ITPRIPL1: variants seen among roughly 807,000 people sequenced by gnomAD.
ITPRIPL1 encodes the protein ITPRIP like 1.
Under a neutral mutation model 40.0 loss-of-function variants are expected in ITPRIPL1, and 28 were observed. The ratio of observed to expected loss-of-function variants is 0.70; its 90% CI spans 0.52 to 0.96. The LOEUF is 0.96. ITPRIPL1 is among the 40% of genes least tolerant of loss of function. The probability of loss-of-function intolerance (pLI) is 0.00; values close to 1 mark genes in which losing one functional copy is unlikely to be tolerated. For missense variants in ITPRIPL1, 638 were observed against 698.0 expected (o/e 0.91, Z 0.97); for synonymous variants, 251 against 275.7 (o/e 0.91, Z 0.89).
In ITPRIPL1 at chr2:96,327,471, G is replaced by T. The variant is rs1413832990; in HGVS notation, c.840G>T (p.Gly280=). 1.2e-6 allele frequency: 2 copies of T among 1,613,932 alleles called. No individual in the cohort carries two copies. The highest frequency in any genetic ancestry group is 2.7e-5 in the African/African-American group (2 of 74,912). The part of the protein sequence containing the change: ...ECVCKREKLL[G]DVLCLVHHHR... The stretch of plus-strand genomic sequence containing the variant: ...TGTGCAAGCGTGAGAAACTCCTAGG[G>T]GACGTGCTGTGCCTGGTGCACCACC... Residue 280 remains glycine (G), a synonymous_variant, in exon 3 of 3, where the codon GGG becomes GGT. Coordinates refer to ENST00000439118, the MANE Select transcript of ITPRIPL1 (RefSeq NM_001008949.3).
In ITPRIPL1 at chr2:96,328,081, G is replaced by A; in HGVS notation, c.1450G>A (p.Gly484Ser). 3 of 1,614,052 alleles carry A rather than the reference G, an allele frequency of 1.9e-6. No homozygotes were observed. The highest frequency in any genetic ancestry group is 2.5e-6 in the Non-Finnish European group (3 of 1,180,006). ...GGACATTCTCTGGTTCTTGGGCCGTGGCCTCCAGCAAAGGTCCCTCCATCA... is the reference window on the plus strand; with the variant it reads ...GGACATTCTCTGGTTCTTGGGCCGTAGCCTCCAGCAAAGGTCCCTCCATCA... Reference protein sequence around the residue: ...LQDILWFLGRGLQQRSLHHFL... With the variant: ...LQDILWFLGRSLQQRSLHHFL... The change falls in exon 3 of 3, where the codon GGC (glycine) becomes AGC (serine). Residue 484 changes from glycine to serine, a missense_variant. Physicochemically the swap from Gly to Ser is moderately conservative, Grantham distance 56. Coordinates refer to ENST00000439118, the MANE Select transcript of ITPRIPL1 (RefSeq NM_001008949.3).
At position 96,327,372 on chromosome 2, in the gene ITPRIPL1, C is replaced by T. The variant is rs376605296; in HGVS notation, c.741C>T (p.Thr247=). ...ILVPIVPPQG[T]MFVLEMRDPA... Reference sequence around the variant, plus strand: ...TGCCCATTGTCCCCCCACAGGGCACCATGTTTGTCCTGGAGATGAGGGACC... The same window carrying T: ...TGCCCATTGTCCCCCCACAGGGCACTATGTTTGTCCTGGAGATGAGGGACC... Residue 247 remains threonine, a synonymous_variant, in exon 3 of 3, where the codon ACC becomes ACT. Coordinates refer to ENST00000439118, the MANE Select transcript of ITPRIPL1 (RefSeq NM_001008949.3). 9.9e-6 allele frequency: 16 copies of T among 1,613,966 alleles called. No individual in the cohort carries two copies. The African/African-American group carries it at 1.5e-4, about 15-fold the overall frequency.
downstream of ITPRIPL1, chr2:96,329,249 TAG>T (rs760899549): frequency 3.4e-4 from 50 of 146,462 alleles, no homozygotes; most frequent in Non-Finnish European, 6.4e-4. Context: ...CATATGACAA[TAG>T]AGTTGTTTTT....
chr2:96,327,509 C>G lies in ITPRIPL1; in HGVS notation c.878C>G (p.Ser293Trp), dbSNP rs1187537295. The G allele has an allele frequency of 6.2e-7, 1 of 1,614,058 alleles. No homozygotes were observed. The change falls in exon 3 of 3, where the codon TCG (serine) becomes TGG (tryptophan). Residue 293 changes from serine (S) to tryptophan (W), a missense_variant. Coordinates refer to ENST00000439118, the MANE Select transcript of ITPRIPL1 (RefSeq NM_001008949.3). ...LCLVHHHRDP[S>W]AVLGKCSSSI... ...CTGGTGCACCACCACAGGGACCCCT[C>G]GGCAGTCTTGGGGAAGTGTAGTAGC...
At chr2:96,325,661 C>A in intron 1 of ITPRIPL1, 86 bp from the exon 2 acceptor site, 1 of 661,102 alleles carries the variant, frequency 1.5e-6, no homozygotes, top group Non-Finnish European at 2.8e-6. Flanking sequence ...AATCTCTGGG[C>A]GTGGAATTTG....
Position 96,325,792 on chromosome 2 carries a change from GGGA to G in ITPRIPL1, c.-44_-42del. 1 of 1,609,768 alleles carries G rather than the reference GGGA, an allele frequency of 6.2e-7. No individual in the cohort carries two copies. On this transcript the variant is annotated 5_prime_UTR_variant, in exon 2 of 3. Coordinates refer to ENST00000439118, the MANE Select transcript of ITPRIPL1 (RefSeq NM_001008949.3). ...AGACGAAGCAAGGCCAAGTTCCAAA[GGGA>G]GGATAGGCCCAGCTGGCTTCAGCGT...
intron 2 of ITPRIPL1, 148 bp from the exon 3 acceptor site, chr2:96,326,494 C>A: frequency 6.4e-7 from 1 of 1,552,792 alleles, no homozygotes; most frequent in Non-Finnish European, 8.7e-7. Flanking sequence ...ACCACCCTTG[C>A]TGTGTCCAAG....
rs1321661009 is a variant in ITPRIPL1, at chr2:96,328,123, A to C, written c.1492A>C (p.Asn498His). Reference sequence around the variant, plus strand: ...CCTCCATCATTTCCTCATTGGTAACAATTTTCTGCCCCTGACCATCCCAAT... The same window carrying C: ...CCTCCATCATTTCCTCATTGGTAACCATTTTCTGCCCCTGACCATCCCAAT... ...RSLHHFLIGNNFLPLTIPIPK... is the reference protein window; with the variant it reads ...RSLHHFLIGNHFLPLTIPIPK... The change falls in exon 3 of 3, where the codon AAT becomes CAT. Residue 498 changes from asparagine to histidine, a missense_variant. By Grantham distance (68) the Asn-to-His change is moderately conservative. Transcript: ENST00000439118. The C allele has an allele frequency of 6.2e-7, 1 of 1,613,886 alleles. No individual in the cohort carries two copies. The highest frequency in any genetic ancestry group is 1.3e-5 in the African/African-American group (1 of 74,824).
downstream of ITPRIPL1, chr2:96,328,381 A>G: frequency 7.1e-7 from 1 of 1,407,852 alleles, no homozygotes. Flanking sequence ...CAGATATATC[A>G]GTGGTATATG....
downstream of ITPRIPL1, chr2:96,329,556 G>A (rs2064146198): frequency 2.1e-5 from 2 of 95,840 alleles, no homozygotes; most frequent in Admixed American, 2.4e-4. Flanking sequence ...TGCCTCCTTT[G>A]TATTTTTTTT....
downstream of ITPRIPL1, chr2:96,328,411 G>C (rs567949588): frequency 3.7e-4 from 415 of 1,113,604 alleles, no homozygotes; most frequent in South Asian, 1.4e-3. Flanking sequence ...CCTTGCCAGT[G>C]GGGGCTATGA....
At chr2:96,326,207 G>C in intron 2 of ITPRIPL1, 2 of 1,448,986 alleles carry the variant, frequency 1.4e-6, no homozygotes, top group Non-Finnish European at 1.8e-6. Context: ...CCGGGGCAGA[G>C]GAAAGGTGTC....
At position 96,327,207 on chromosome 2, in the gene ITPRIPL1, T is replaced by C. The variant is rs1402514029; in HGVS notation, c.576T>C (p.Ser192=). ...CCTGCACCTGTGAGTTTGTGGAGAG[T>C]TTTGTGGATGATCTCATTGAGGCCT... The part of the protein sequence containing the change: ...DLPCTCEFVE[S]FVDDLIEACR... The change falls in exon 3 of 3, where the codon AGT becomes AGC. Residue 192 remains serine, a synonymous_variant. Coordinates refer to ENST00000439118, the MANE Select transcript of ITPRIPL1 (RefSeq NM_001008949.3). The C allele has an allele frequency of 2.5e-6, 4 of 1,614,012 alleles. No homozygotes were observed. Among genetic ancestry groups the C allele is most frequent in the East Asian group, 2.2e-5 (1 of 44,864 alleles).
rs1342849653 is a variant in ITPRIPL1 at position 96,327,130 on chromosome 2, G to A, written c.499G>A (p.Ala167Thr). The A allele has an allele frequency of 1.9e-6, 3 of 1,613,912 alleles. No individual in the cohort carries two copies. The highest frequency in any genetic ancestry group is 2.5e-6 in the Non-Finnish European group (3 of 1,179,902). ...NWLTDFPSQE[A>T]LDSFYKHYVQ... ...GCTTACTGACTTCCCCTCCCAGGAGGCCCTGGACTCCTTTTACAAACACTA... is the reference window on the plus strand; with the variant it reads ...GCTTACTGACTTCCCCTCCCAGGAGACCCTGGACTCCTTTTACAAACACTA... The change falls in exon 3 of 3, where the codon GCC becomes ACC. Residue 167 changes from alanine (A) to threonine (T), a missense_variant. Coordinates refer to ENST00000439118, the MANE Select transcript of ITPRIPL1 (RefSeq NM_001008949.3).
downstream of ITPRIPL1, chr2:96,328,532 G>T: frequency 2.1e-6 from 1 of 469,582 alleles, no homozygotes; most frequent in Non-Finnish European, 3.8e-6. Context: ...CTTTCATCAT[G>T]ACCCAAAGAA....
Position 96,327,987 on chromosome 2 carries a change from T to C in ITPRIPL1, c.1356T>C (p.Ala452=), listed in dbSNP as rs1359627109. ...PILTSYHFKT[A]LMHLLLRLPL... is the part of the protein sequence containing the mutation. Reference sequence around the variant, plus strand: ...TCACTTCTTACCATTTTAAAACAGCTCTCATGCACCTCTTGCTACGGCTGC... The same window carrying C: ...TCACTTCTTACCATTTTAAAACAGCCCTCATGCACCTCTTGCTACGGCTGC... The change falls in exon 3 of 3, where the codon GCT becomes GCC. Residue 452 remains alanine (A), a synonymous_variant. Transcript: ENST00000439118. The C allele has an allele frequency of 1.9e-6, 3 of 1,614,044 alleles. No homozygotes were observed. The highest frequency in any genetic ancestry group is 1.1e-5 in the South Asian group (1 of 91,078).
At position 96,328,092 on chromosome 2, in the gene ITPRIPL1, A is replaced by G. The variant is rs1425728536; in HGVS notation, c.1461A>G (p.Gln487=). 3 of 1,614,140 alleles carry G rather than the reference A, an allele frequency of 1.9e-6. No individual in the cohort carries two copies. The change falls in exon 3 of 3, where the codon CAA becomes CAG. Residue 487 remains glutamine, a synonymous_variant. Transcript: ENST00000439118. ...ILWFLGRGLQ[Q]RSLHHFLIGN... ...GGTTCTTGGGCCGTGGCCTCCAGCA[A>G]AGGTCCCTCCATCATTTCCTCATTG... is the stretch of plus-strand genomic sequence containing the variant.
rs781109629 is a variant in ITPRIPL1 at position 96,326,610 on chromosome 2, G to A, written c.11-32G>A. The A allele has an allele frequency of 1.9e-6, 3 of 1,613,626 alleles. No homozygotes were observed. The South Asian group carries it at 3.3e-5, about 18-fold the overall frequency. On this transcript the variant is annotated intron_variant, in intron 2 of 2. Coordinates refer to ENST00000439118, the MANE Select transcript of ITPRIPL1 (RefSeq NM_001008949.3). ...TAGAGAGCAGATAAGTCTGGAAGATGACCACTGACTCCTACTCTCCTACTT... is the reference window on the plus strand; with the variant it reads ...TAGAGAGCAGATAAGTCTGGAAGATAACCACTGACTCCTACTCTCCTACTT...
chr2:96,327,739 G>T lies in ITPRIPL1; in HGVS notation c.1108G>T (p.Val370Leu), dbSNP rs75030364. ...TCTCTCAATCCACTTGGTCCTGGGG[G>T]TGCAACGAGAAGACACCTTGGTCTA... ...RFLSIHLVLG[V>L]QREDTLVYLV... The change falls in exon 3 of 3, where the codon GTG becomes TTG. Residue 370 changes from valine to leucine, a missense_variant. Coordinates refer to ENST00000439118, the MANE Select transcript of ITPRIPL1 (RefSeq NM_001008949.3). 1.0e-3 allele frequency: 1,618 copies of T among 1,613,438 alleles called. 33 individuals carry two copies. In the East Asian group the frequency reaches 0.032, roughly 32 times the overall value.
Sources: allele counts gnomAD v4.1 joint callset, GRCh38; gene constraint gnomAD v4.1.1; transcripts MANE v1.5; gene names NCBI Gene and HGNC (gene_info 2026-07-23, HGNC 2026-07-21).